The following H2BC12 variants were observed in gnomAD, a reference collection of about 807,000 sequenced individuals.
H2BC12 encodes histone H2B type 1-K.
A neutral mutation model predicts 6.3 loss-of-function variants in H2BC12; 6 were observed. The observed-to-expected ratio is 0.95, with a 90% CI of 0.52 to 1.87. H2BC12 has a LOEUF of 1.87. H2BC12 is among the 40% of genes most tolerant of loss of function. The pLI is 0.01. For synonymous variants in H2BC12, 132 were observed against 78.5 expected (o/e 1.68, Z -3.60); for missense variants, 119 against 178.4 (o/e 0.67, Z 1.90).
chr6:27,138,467 G>A, the H2BC12 span: 1 of 152,144 alleles, frequency 6.6e-6, no homozygotes. Flanking sequence ...GAGAAGGAAT[G>A]GACCAAGGAG....
the H2BC12 span, chr6:27,138,884 T>C: frequency 6.5e-6 from 1 of 154,784 alleles, no homozygotes; most frequent in Non-Finnish European, 1.4e-5. Flanking sequence ...ATTCTATGAG[T>C]CTATCTTGTT....
chr6:27,144,878 C>A (rs1007212843), downstream of H2BC12, among the ~76,000 whole-genome samples: 1 of 152,090 alleles, frequency 6.6e-6, no homozygotes. Flanking sequence ...CTCACTGCAA[C>A]CTTTGCCTCC....
the H2BC12 span, among the ~76,000 whole-genome samples, chr6:27,141,129 C>G: frequency 6.6e-6 from 1 of 151,616 alleles, no homozygotes; most frequent in East Asian, 1.9e-4. Context: ...TTTCTGAAAT[C>G]GCTGTAAGAG....
chr6:27,143,035 A>C (rs1478045646), downstream of H2BC12, among the ~76,000 whole-genome samples: 1 of 152,066 alleles, frequency 6.6e-6, no homozygotes, highest in Non-Finnish European at 1.5e-5. Context: ...AGAATGAGAA[A>C]GTAGGATAAA....
In H2BC12 at chr6:27,146,559, G is replaced by C; in HGVS notation, c.240C>G (p.Arg80=). The change falls in exon 1 of 1, where the codon CGC becomes CGG. Residue 80 remains arginine (R), a synonymous_variant. Transcript: ENST00000356950. ...IFERIAGEAS[R]LAHYNKRSTI... is the part of the protein sequence containing the mutation. ...TCGAGCGCTTGTTGTAATGCGCCAG[G>C]CGGGAAGCCTCACCCGCGATGCGTT... 6.2e-7 allele frequency: 1 copy of C among 1,614,230 alleles called. No individual in the cohort carries two copies. The highest frequency in any genetic ancestry group is 8.5e-7 in the Non-Finnish European group (1 of 1,180,050).
downstream of H2BC12, among the ~76,000 whole-genome samples, chr6:27,145,305 C>T (rs1760058959): frequency 7.0e-6 from 1 of 142,002 alleles, no homozygotes; most frequent in Admixed American, 6.9e-5. Context: ...TACACACACA[C>T]ACACACACAC....
downstream of H2BC12, among the ~76,000 whole-genome samples, chr6:27,145,143 A>G (rs1035855024): frequency 1.3e-5 from 2 of 152,148 alleles, no homozygotes; most frequent in Admixed American, 1.3e-4. Context: ...TGTAACCCCA[A>G]AATTACTGGT....
Position 27,146,694 on chromosome 6 carries a change from C to T in H2BC12, c.105G>A (p.Lys35=), listed in dbSNP as rs1380002818. ...TGTACACGTATACGGAGTAGCTCTC[C>T]TTGCGGCTGCGCTTGCGCTTCTTGC... ...KDGKKRKRSR[K]ESYSVYVYKV... The change falls in exon 1 of 1, where the codon AAG becomes AAA. Residue 35 remains lysine (K), a synonymous_variant. Coordinates refer to ENST00000356950, the MANE Select transcript of H2BC12 (RefSeq NM_001312653.2). 2 of 1,614,140 alleles carry T rather than the reference C, an allele frequency of 1.2e-6. No homozygotes were observed. Among genetic ancestry groups the T allele is most frequent in the African/African-American group, 2.7e-5 (2 of 74,954 alleles).
At chr6:27,146,071 G>T (rs1337392899), downstream of H2BC12, among the ~76,000 whole-genome samples, 3 of 152,210 alleles carry the variant, frequency 2.0e-5, no homozygotes, top group Non-Finnish European at 2.9e-5. Flanking sequence ...CTTTCAACAA[G>T]TTCTAACAGG....
At chr6:27,139,112 T>C in the H2BC12 span, 1 of 525,206 alleles carries the variant, frequency 1.9e-6, no homozygotes, top group Non-Finnish European at 3.3e-6. Context: ...AGCCTAGGTC[T>C]TGAGGATTAA....
rs758122363 is a variant in H2BC12, at chr6:27,146,805, G to C, written c.-7C>G. The C allele has an allele frequency of 8.7e-6, 14 of 1,613,384 alleles. No homozygotes were observed. The highest frequency in any genetic ancestry group is 1.3e-5 in the African/African-American group (1 of 74,834). ...ACTTCGCTGGTTCCGGCATGTTGAAGGCGAACTACGAGCCTGAGACGAGCA... is the reference window on the plus strand; with the variant it reads ...ACTTCGCTGGTTCCGGCATGTTGAACGCGAACTACGAGCCTGAGACGAGCA... On this transcript the variant is annotated 5_prime_UTR_variant, in exon 1 of 1. Transcript: ENST00000356950.
chr6:27,142,636 CT>C (rs759784250), downstream of H2BC12, among the ~76,000 whole-genome samples: 561 of 100,250 alleles, frequency 5.6e-3, 2 homozygotes, highest in Middle Eastern at 0.014. Context: ...TCCCCCCCTC[CT>C]TTTTTTTTTT....
rs1297205765 is a variant in H2BC12, at chr6:27,146,725, T to C, written c.74A>G (p.Lys25Arg). The C allele has an allele frequency of 4.3e-6, 7 of 1,614,106 alleles. No individual in the cohort carries two copies. Among genetic ancestry groups the C allele is most frequent in the Non-Finnish European group, 5.1e-6 (6 of 1,180,034 alleles). The change falls in exon 1 of 1, where the codon AAG (lysine) becomes AGG (arginine). Residue 25 changes from lysine (K) to arginine (R), a missense_variant. Physicochemically the swap from Lys to Arg is conservative, Grantham distance 26. This residue lies in a region of H2BC12 where 50 missense variants were observed against 37.4 expected (regional missense o/e 1.34). Coordinates refer to ENST00000356950, the MANE Select transcript of H2BC12 (RefSeq NM_001312653.2). ...SKKAVTKAQK[K>R]DGKKRKRSRK... ...GCTGCGCTTGCGCTTCTTGCCGTCC[T>C]TCTTCTGCGCCTTAGTCACGGCTTT... is the stretch of plus-strand genomic sequence containing the variant.
the H2BC12 span, chr6:27,139,303 T>TA: frequency 3.1e-6 from 5 of 1,599,792 alleles, no homozygotes; most frequent in Non-Finnish European, 4.3e-6. Flanking sequence ...CTCTGACCAC[T>TA]TGATAATGTC....
the H2BC12 span, among the ~76,000 whole-genome samples, chr6:27,140,266 C>G: frequency 6.6e-6 from 1 of 152,228 alleles, no homozygotes; most frequent in Non-Finnish European, 1.5e-5. Flanking sequence ...GTCCCTTTCT[C>G]AGTAGCACAG....
downstream of H2BC12, chr6:27,146,304 C>T (rs912738689): frequency 1.3e-6 from 2 of 1,521,990 alleles, no homozygotes; most frequent in Non-Finnish European, 1.8e-6. Context: ...TTAAAAAGAT[C>T]GCCCGAATTT....
chr6:27,146,131 CAGG>C (rs1392695403), downstream of H2BC12, among the ~76,000 whole-genome samples: 2 of 152,202 alleles, frequency 1.3e-5, no homozygotes, highest in African/African-American at 4.8e-5. Flanking sequence ...CGCCAAGAGC[CAGG>C]AAGCACTTTC....
the H2BC12 span, chr6:27,139,848 T>G: frequency 1.2e-5 from 8 of 657,988 alleles, no homozygotes; most frequent in Middle Eastern, 4.5e-4. Flanking sequence ...TGCTGGCCAG[T>G]AACTTCTGGC....
chr6:27,143,181 A>G (rs555751009), downstream of H2BC12, among the ~76,000 whole-genome samples: 170 of 151,940 alleles, frequency 1.1e-3, no homozygotes, highest in African/African-American at 3.9e-3. Flanking sequence ...GTGAAATCCC[A>G]TCTCTACTAA....
Sources: allele counts gnomAD v4.1 joint callset (sites outside exome capture counted in the v4.1 genomes callset), GRCh38; gene constraint gnomAD v4.1.1; regional missense constraint gnomAD v4.1.1; transcripts MANE v1.5; gene names NCBI Gene and HGNC (gene_info 2026-07-23, HGNC 2026-07-21).